The following SOCS7 variants were observed in gnomAD, a reference collection of about 807,000 sequenced individuals.
SOCS7 encodes suppressor of cytokine signaling 7.
In SOCS7, 18 loss-of-function variants were observed where a neutral mutation model predicts 58.9. The observed-to-expected ratio is 0.31, with a 90% CI of 0.21 to 0.45. SOCS7 has a LOEUF of 0.45. SOCS7 is among the 20% of genes least tolerant of loss of function. The probability of loss-of-function intolerance (pLI) is 1.00; values close to 1 mark genes in which losing one functional copy is unlikely to be tolerated. For synonymous variants in SOCS7, 388 were observed against 364.3 expected (o/e 1.06, Z -0.74); for missense variants, 667 against 837.3 (o/e 0.80, Z 2.51).
chr17:38,352,860 C>G lies in SOCS7; in HGVS notation c.808C>G (p.Arg270Gly). ...GPLRPLAGPS[R>G]KGSFKIRLSR... ...CCTCCGGCCACTCGCGGGTCCTTCT[C>G]GGAAGGGCTCCTTCAAAATCCGCCT... is the stretch of plus-strand genomic sequence containing the variant. Residue 270 changes from arginine to glycine, a missense_variant, in exon 1 of 10, where the codon CGG becomes GGG. By Grantham distance (125) the Arg-to-Gly change is moderately radical. This residue lies in a region of SOCS7 where 208 missense variants were observed against 190.3 expected (regional missense o/e 1.09). Transcript: ENST00000612932. The surrounding 1 kb of genome is among the most constrained non-coding windows in gnomAD (Gnocchi z 5.5). 1 of 1,588,362 alleles carries G rather than the reference C, an allele frequency of 6.3e-7. No homozygotes were observed. The highest frequency in any genetic ancestry group is 1.1e-5 in the South Asian group (1 of 87,122).
Position 38,377,716 on chromosome 17 carries a change from A to AC in SOCS7, c.1557dup (p.Phe520LeufsTer10). The AC allele has an allele frequency of 6.2e-7, 1 of 1,602,872 alleles. No individual in the cohort carries two copies. Among genetic ancestry groups the AC allele is most frequent in the Non-Finnish European group, 8.5e-7 (1 of 1,176,816 alleles). ...TACTTCTTAATTTTCCATGGCAGGA[A>AC]CCTTCAGCCTGTGGTGTCATCCCAA... On this transcript the variant is annotated frameshift_variant, in exon 7 of 10. Transcript: ENST00000612932. LOFTEE classifies it high-confidence loss of function.
intron 9 of SOCS7, among the ~76,000 whole-genome samples, chr17:38,398,973 C>G (rs964827700): frequency 1.3e-5 from 2 of 151,904 alleles, no homozygotes; most frequent in Admixed American, 1.3e-4. Context: ...GCCTGTAATC[C>G]CAGCTACTTG....
At position 38,404,660 on chromosome 17, in the gene SOCS7, ACT is replaced by A. The variant is rs1227585301; in HGVS notation, c.*5181_*5182del. The A allele has an allele frequency of 1.3e-5, 2 of 151,966 alleles. No homozygotes were observed. Among genetic ancestry groups the A allele is most frequent in the African/African-American group, 4.8e-5 (2 of 41,340 alleles). The allele number at this position is 151,966 out of a possible 1,614,324, so 9.4% of individuals were successfully genotyped here. On this transcript the variant is annotated 3_prime_UTR_variant, in exon 10 of 10. Transcript: ENST00000612932. The stretch of plus-strand genomic sequence containing the variant: ...AGATAGAGTGTGAGGAACTTAGGAC[ACT>A]CTTCCTCAGACTCTGGGATCATCAC...
chr17:38,360,824 C>T (rs2037708634), intron 1 of SOCS7, among the ~76,000 whole-genome samples: 1 of 152,234 alleles, frequency 6.6e-6, no homozygotes, highest in South Asian at 2.1e-4. Context: ...CAGGCATGAG[C>T]CACCGCACCC....
intron 9 of SOCS7, 113 bp downstream of exon 9, chr17:38,396,111 G>T: frequency 4.7e-6 from 4 of 842,570 alleles, no homozygotes; most frequent in Non-Finnish European, 6.9e-6. Context: ...CCCCGATCCA[G>T]GCATTTGCCC....
In SOCS7 at chr17:38,352,456, C is replaced by T. The variant is rs1427787953; in HGVS notation, c.404C>T (p.Pro135Leu). Reference protein sequence around the residue: ...AALGLGQPAGPGVKTVGGGCC... With the variant: ...AALGLGQPAGLGVKTVGGGCC... ...CTGGGGCTCGGGCAGCCGGCGGGGC[C>T]GGGGGTCAAGACAGTCGGTGGGGGT... The change falls in exon 1 of 10, where the codon CCG becomes CTG. Residue 135 changes from proline (P) to leucine (L), a missense_variant. Physicochemically the swap from Pro to Leu is moderately conservative, Grantham distance 98. This residue lies in a region of SOCS7 where 154 missense variants were observed against 156.3 expected (regional missense o/e 0.98). Coordinates refer to ENST00000612932, the MANE Select transcript of SOCS7 (RefSeq NM_014598.4). The surrounding 1 kb of genome is among the most constrained non-coding windows in gnomAD (Gnocchi z 5.5). 1 of 1,469,480 alleles carries T rather than the reference C, an allele frequency of 6.8e-7. No individual in the cohort carries two copies. The highest frequency in any genetic ancestry group is 1.4e-5 in the African/African-American group (1 of 69,360). 91.0% of individuals were successfully genotyped at this position (1,469,480 alleles called of 1,614,324 possible). A position where few individuals can be genotyped will look rare whatever the true frequency, so the allele number is the denominator to read the frequency against.
chr17:38,360,053 C>T (rs1555567346), intron 1 of SOCS7, among the ~76,000 whole-genome samples: 1 of 152,050 alleles, frequency 6.6e-6, no homozygotes, highest in African/African-American at 2.4e-5. Context: ...GTTGGGATTA[C>T]AGGTGTGAGC....
At chr17:38,387,139 A>ATATATATGTGTG (rs2038085769) in intron 7 of SOCS7, among the ~76,000 whole-genome samples, 1 of 120,280 alleles carries the variant, frequency 8.3e-6, no homozygotes, top group South Asian at 2.5e-4. Context: ...GTATGTATAT[A>ATATATATGTGTG]TATATATATA....
chr17:38,386,283 C>T (rs945861110), intron 7 of SOCS7, among the ~76,000 whole-genome samples: 2 of 141,286 alleles, frequency 1.4e-5, no homozygotes, highest in African/African-American at 5.6e-5. Flanking sequence ...AAGATTGTGC[C>T]ACTGCACTTC....
intron 7 of SOCS7, among the ~76,000 whole-genome samples, chr17:38,387,133 G>GTATGTATATGTATATA (rs1555570701): frequency 1.4e-5 from 1 of 73,494 alleles, no homozygotes; most frequent in African/African-American, 7.0e-5. Flanking sequence ...ATATATGTAT[G>GTATGTATATGTATATA]TATATATATA....
chr17:38,364,375 G>A (rs1013118418), intron 2 of SOCS7, among the ~76,000 whole-genome samples: 8 of 152,134 alleles, frequency 5.3e-5, no homozygotes, highest in Middle Eastern at 3.2e-3. Context: ...CAAGCCACTT[G>A]GCTTGCTTCC....
At chr17:38,373,947 G>A (rs1249128653) in intron 6 of SOCS7, among the ~76,000 whole-genome samples, 3 of 152,230 alleles carry the variant, frequency 2.0e-5, no homozygotes, top group Non-Finnish European at 4.4e-5. Context: ...TTGACCGGGT[G>A]GAGTGGCTCA....
In SOCS7 at chr17:38,352,543, C is replaced by G. The variant is rs1451786471; in HGVS notation, c.491C>G (p.Ala164Gly). Reference protein sequence around the residue: ...PPPQPQPPAAAPQAGEDPTET... With the variant: ...PPPQPQPPAAGPQAGEDPTET... The stretch of plus-strand genomic sequence containing the variant: ...CCGCAGCCCCAGCCGCCTGCTGCCG[C>G]CCCGCAGGCCGGGGAGGACCCCACG... Residue 164 changes from alanine to glycine, a missense_variant, in exon 1 of 10, where the codon GCC becomes GGC. By Grantham distance (60) the Ala-to-Gly change is moderately conservative. Transcript: ENST00000612932. This position sits in a 1 kb window ranked among gnomAD's most constrained non-coding sequence, Gnocchi z 5.5. 6 of 1,548,598 alleles carry G rather than the reference C, an allele frequency of 3.9e-6. 1 individual carries two copies. In the South Asian group the frequency reaches 6.0e-5, roughly 15 times the overall value.
chr17:38,388,948 A>G (rs2038116103), intron 7 of SOCS7, among the ~76,000 whole-genome samples: 1 of 152,154 alleles, frequency 6.6e-6, no homozygotes, highest in Non-Finnish European at 1.5e-5. Context: ...TTGAACATTC[A>G]TGTACAGCTG....
intron 7 of SOCS7, among the ~76,000 whole-genome samples, chr17:38,378,270 G>A (rs2037957135): frequency 1.3e-5 from 2 of 152,298 alleles, no homozygotes; most frequent in Non-Finnish European, 1.5e-5. Flanking sequence ...AGGCGTGGTG[G>A]CTCATGCCTG....
chr17:38,389,886 CAT>C (rs1237921307), intron 7 of SOCS7, among the ~76,000 whole-genome samples: 1 of 83,344 alleles, frequency 1.2e-5, no homozygotes, highest in African/African-American at 7.0e-5. Flanking sequence ...TATATATGTA[CAT>C]ATATATATAT....
At chr17:38,364,990 C>A (rs2037770210) in intron 3 of SOCS7, 134 bp downstream of exon 3, 7 of 663,430 alleles carry the variant, frequency 1.1e-5, no homozygotes, top group Non-Finnish European at 1.8e-5. Flanking sequence ...TTTCTCAGCA[C>A]CCCGTCATCT....
chr17:38,365,464 T>A, intron 4 of SOCS7, 55 bp downstream of exon 4: 2 of 1,163,578 alleles, frequency 1.7e-6, no homozygotes, highest in Non-Finnish European at 2.5e-6. Context: ...AAGTGATACT[T>A]TCTACCATAG....
At chr17:38,391,462 C>T (rs2038172672) in intron 7 of SOCS7, among the ~76,000 whole-genome samples, 1 of 152,164 alleles carries the variant, frequency 6.6e-6, no homozygotes, top group Non-Finnish European at 1.5e-5. Context: ...ACAATCATAG[C>T]TCACTGCAGC....
Sources: gnomAD v4.1 joint callset for allele counts (sites outside exome capture counted in the v4.1 genomes callset) on GRCh38, gnomAD v4.1.1 for gene constraint, gnomAD v4.1.1 regional missense constraint, Gnocchi (gnomAD v3.1) non-coding constraint, MANE v1.5 for transcripts, NCBI Gene and HGNC (gene_info 2026-07-23, HGNC 2026-07-21) for gene names.